LPIN1: variants seen among roughly 807,000 people sequenced by gnomAD.
The protein encoded by LPIN1 is lipin 1.
In LPIN1, 71 loss-of-function variants were observed where a neutral mutation model predicts 107.5. That is an observed-to-expected ratio of 0.66 (90% CI 0.55 to 0.80). The LOEUF is 0.80. Ranked by LOEUF, LPIN1 falls within the 30% of genes least tolerant of loss-of-function variation. The pLI is 0.00. For missense variants in LPIN1, 1,043 were observed against 1,160.6 expected (o/e 0.90, Z 1.47); for synonymous variants, 445 against 452.6 (o/e 0.98, Z 0.21).
At chr2:11,763,601 T>C (rs1183617683) in intron 1 of LPIN1, among the ~76,000 whole-genome samples, 2 of 152,166 alleles carry the variant, frequency 1.3e-5, no homozygotes, top group Non-Finnish European at 2.9e-5. Flanking sequence ...CTTGCCAGTC[T>C]TTACATTGTT....
intron 3 of LPIN1, among the ~76,000 whole-genome samples, chr2:11,769,386 C>CT (rs2148629091): frequency 6.6e-6 from 1 of 151,996 alleles, no homozygotes; most frequent in African/African-American, 2.4e-5. Context: ...TATTCAGATC[C>CT]TTTGCTAGTT....
In LPIN1 at chr2:11,690,854, T is replaced by A. The variant is rs1662233251; in HGVS notation, c.81+13126T>A. 2.0e-5 allele frequency among the ~76,000 whole-genome samples: 3 copies of A among 152,306 alleles called. No homozygotes were observed. The South Asian group carries it at 6.2e-4, about 32-fold the overall frequency. On this transcript the variant is annotated intron_variant, in intron 1 of 21. Coordinates refer to the LPIN1 transcript ENST00000449576. ...TTTTTGATATGTTTCTGTTTCATAA[T>A]TTCTCTTTTTAATGGAGGTTATTCC...
At position 11,826,259 on chromosome 2, in the gene LPIN1, C is replaced by T. The variant is rs549353837; in HGVS notation, c.*1468C>T. On this transcript the variant is annotated 3_prime_UTR_variant, in exon 21 of 21. Transcript: ENST00000674199. ...TTTTACTCTTTCTGTGAAAGAAAAT[C>T]CACAGAGTTGTTGCCTCCGTTGTAG... 6.6e-6 allele frequency: 1 copy of T among 152,636 alleles called. No individual in the cohort carries two copies. The highest frequency in any genetic ancestry group is 6.5e-5 in the Admixed American group (1 of 15,280). 9.5% of individuals were successfully genotyped at this position (152,636 alleles called of 1,614,324 possible).
chr2:11,765,734 G>A lies in LPIN1; in HGVS notation c.192+1G>A. On this transcript the variant is annotated splice_donor_variant, in intron 2 of 20. Coordinates refer to ENST00000674199, the MANE Select transcript of LPIN1 (RefSeq NM_001349206.2). LOFTEE classifies it high-confidence loss of function. The surrounding 1 kb of genome is among the most constrained non-coding windows in gnomAD (Gnocchi z 4.4). ...GGTCCTGCGCTCCCGAGAGAAAGTG[G>A]TGAGCTCTCAGGGCACGGGGACCTG... 6.2e-7 allele frequency: 1 copy of A among 1,609,932 alleles called. No individual in the cohort carries two copies. Among genetic ancestry groups the A allele is most frequent in the South Asian group, 1.1e-5 (1 of 90,902 alleles).
At chr2:11,805,223 G>T in intron 17 of LPIN1, 67 bp downstream of exon 17, 1 of 1,234,370 alleles carries the variant, frequency 8.1e-7, no homozygotes, top group East Asian at 2.3e-5. Context: ...TCTGCATATG[G>T]AATCTTTCCT....
Position 11,827,261 on chromosome 2 carries a change from C to T in LPIN1, c.*2470C>T, listed in dbSNP as rs574010460. The T allele has an allele frequency of 6.6e-6, 1 of 152,514 alleles. No homozygotes were observed. Among genetic ancestry groups the T allele is most frequent in the South Asian group, 2.1e-4 (1 of 4,822 alleles). The allele number at this position is 152,514 out of a possible 1,614,324, so 9.4% of individuals were successfully genotyped here. On this transcript the variant is annotated 3_prime_UTR_variant, in exon 21 of 21. Coordinates refer to ENST00000674199, the MANE Select transcript of LPIN1 (RefSeq NM_001349206.2). The surrounding 1 kb of genome is among the most constrained non-coding windows in gnomAD (Gnocchi z 4.1). ...CTTTGCAATTTTATGTTTGGATCAC[C>T]ACTGTAAGCACACTTTATTTGCATT...
chr2:11,710,250 A>G (rs1378490772), intron 1 of LPIN1, among the ~76,000 whole-genome samples: 2 of 152,156 alleles, frequency 1.3e-5, no homozygotes, highest in Admixed American at 1.3e-4. Context: ...CAACTTCAAT[A>G]TATGCATTTA....
intron 20 of LPIN1, among the ~76,000 whole-genome samples, chr2:11,822,044 G>A (rs1274041361): frequency 6.6e-6 from 1 of 152,156 alleles, no homozygotes; most frequent in Non-Finnish European, 1.5e-5. Context: ...AGGCTGGAGA[G>A]GACCTACTGG....
At chr2:11,740,602 T>C (rs932872365) in intron 1 of LPIN1, among the ~76,000 whole-genome samples, 4 of 149,708 alleles carry the variant, frequency 2.7e-5, no homozygotes, top group Non-Finnish European at 4.4e-5. Context: ...GAGGATTGCT[T>C]GAACCTGGTA....
At chr2:11,776,432 ATT>A (rs201108224) in intron 6 of LPIN1, among the ~76,000 whole-genome samples, 25 of 144,224 alleles carry the variant, frequency 1.7e-4, no homozygotes, top group African/African-American at 4.8e-4. Context: ...AGATGATCAG[ATT>A]TTTTTTTTTT....
At chr2:11,714,779 AACAAAAGTAACACTTAGTCTCCACCCTCG>A (rs1249313322) in intron 2 of LPIN1, among the ~76,000 whole-genome samples, 1 of 152,214 alleles carries the variant, frequency 6.6e-6, no homozygotes, top group South Asian at 2.1e-4. Flanking sequence ...GTGGCTACGG[AACAAAAGTAACACTTAGTCTCCACCCTCG>A]AGGAGCCCAC....
intron 1 of LPIN1, among the ~76,000 whole-genome samples, chr2:11,705,620 TGCAAAG>T (rs1342727814): frequency 6.6e-6 from 1 of 152,028 alleles, no homozygotes; most frequent in Non-Finnish European, 1.5e-5. Context: ...GAGTAGCATG[TGCAAAG>T]GCTGTGGGGC....
chr2:11,720,669 C>T (rs11695074), upstream of LPIN1, among the ~76,000 whole-genome samples: 1 of 151,650 alleles, frequency 6.6e-6, no homozygotes, highest in Non-Finnish European at 1.5e-5. Context: ...CAATGCAGTG[C>T]GGCTTAAGCT....
intron 1 of LPIN1, among the ~76,000 whole-genome samples, chr2:11,701,029 C>T (rs946653285): frequency 2.0e-5 from 3 of 152,172 alleles, no homozygotes; most frequent in Non-Finnish European, 4.4e-5. Flanking sequence ...GGCCCTGCTC[C>T]CCCTCACTCT....
chr2:11,808,989 G>A (rs935643234), intron 17 of LPIN1, among the ~76,000 whole-genome samples: 2 of 152,020 alleles, frequency 1.3e-5, no homozygotes, highest in African/African-American at 4.8e-5. Flanking sequence ...TTAATGACTT[G>A]TTTGGATCTA....
intron 17 of LPIN1, among the ~76,000 whole-genome samples, chr2:11,814,511 C>CAT (rs1491127850): frequency 2.1e-5 from 2 of 94,864 alleles, no homozygotes; most frequent in Non-Finnish European, 4.2e-5. Flanking sequence ...GGTGTGTGTG[C>CAT]ATGTGTGTGT....
At chr2:11,762,008 G>A (rs567155271) in intron 1 of LPIN1, among the ~76,000 whole-genome samples, 2 of 152,096 alleles carry the variant, frequency 1.3e-5, no homozygotes, top group South Asian at 2.1e-4. Flanking sequence ...TTAAGGGCTC[G>A]TTCCCACAAG....
At position 11,771,518 on chromosome 2, in the gene LPIN1, G is replaced by A. The variant is rs764921555; in HGVS notation, c.435G>A (p.Thr145=). 4 of 1,614,156 alleles carry A rather than the reference G, an allele frequency of 2.5e-6. No homozygotes were observed. Among genetic ancestry groups the A allele is most frequent in the South Asian group, 2.2e-5 (2 of 91,078 alleles). Residue 145 remains threonine, a synonymous_variant, in exon 4 of 21, where the codon ACG becomes ACA. Coordinates refer to ENST00000674199, the MANE Select transcript of LPIN1 (RefSeq NM_001349206.2). This position sits in a 1 kb window ranked among gnomAD's most constrained non-coding sequence, Gnocchi z 4.8. The part of the protein sequence containing the change: ...TPAQVIAPSE[T]PSSSSVVKKR... ...CCCAAGTGATCGCTCCCAGCGAGAC[G>A]CCGTCAAGCAGCTCTGTAGTAAAGA...
intron 19 of LPIN1, 86 bp downstream of exon 19, chr2:11,819,684 T>C (rs1388223292): frequency 2.0e-6 from 2 of 979,484 alleles, no homozygotes; most frequent in South Asian, 1.3e-5. Context: ...CCGAGAACCA[T>C]ATGTAGAGTC....
Sources: gnomAD v4.1 joint callset for allele counts (sites outside exome capture counted in the v4.1 genomes callset) on GRCh38, gnomAD v4.1.1 for gene constraint, Gnocchi (gnomAD v3.1) non-coding constraint, MANE v1.5 for transcripts, NCBI Gene and HGNC (gene_info 2026-07-23, HGNC 2026-07-21) for gene names.